Variants in RAD9B observed in about 807,000 individuals in gnomAD.
The protein encoded by RAD9B is RAD9 checkpoint clamp component B, also known as cell cycle checkpoint control protein RAD9B.
Under a neutral mutation model 48.3 loss-of-function variants are expected in RAD9B, and 41 were observed. The observed-to-expected ratio is 0.85, with a 90% CI of 0.66 to 1.10. The LOEUF (loss-of-function observed/expected upper bound fraction) is 1.10, where lower values mean the gene tolerates loss of function less well. Among genes scored for constraint, RAD9B ranks in the 50% least tolerant of loss-of-function variants. The probability of loss-of-function intolerance (pLI) is 0.00; values close to 1 mark genes in which losing one functional copy is unlikely to be tolerated. For missense variants in RAD9B, 444 were observed against 485.1 expected (o/e 0.92, Z 0.80); for synonymous variants, 160 against 157.9 (o/e 1.01, Z -0.10).
At chr12:110,520,650 G>GGTGT (rs2063756600) in intron 9 of RAD9B, among the ~76,000 whole-genome samples, 1 of 69,636 alleles carries the variant, frequency 1.4e-5, no homozygotes, top group Non-Finnish European at 2.9e-5. Flanking sequence ...TTTTTTTGTT[G>GGTGT]TTTTTTTTTT....
rs2063181626 is a variant in RAD9B, at chr12:110,503,948, T to C, written c.117+72T>C. 11 of 863,198 alleles carry C rather than the reference T, an allele frequency of 1.3e-5. No homozygotes were observed. The East Asian group carries it at 2.8e-4, about 22-fold the overall frequency. 53.5% of individuals were successfully genotyped at this position (863,198 alleles called of 1,614,324 possible). A position where few individuals can be genotyped will look rare whatever the true frequency, so the allele number is the denominator to read the frequency against. ...TTTAAAGATCCCAGTCCAGATTGAATGTTAACTAGGAAATCCAGAAATTGT... is the reference window on the plus strand; with the variant it reads ...TTTAAAGATCCCAGTCCAGATTGAACGTTAACTAGGAAATCCAGAAATTGT... On this transcript the variant is annotated intron_variant, in intron 2 of 10. Transcript: ENST00000409300.
Position 110,530,660 on chromosome 12 carries a change from A to G in RAD9B, c.*7A>G, listed in dbSNP as rs1052686608. ...CAGTTTCTCTATATTCTAATGCTTA[A>G]TGATGGCTGAGCTGGGCCCCAGCCC... On this transcript the variant is annotated 3_prime_UTR_variant, in exon 11 of 11. Coordinates refer to ENST00000409300, the MANE Select transcript of RAD9B (RefSeq NM_001286535.2). 1 of 1,613,704 alleles carries G rather than the reference A, an allele frequency of 6.2e-7. No homozygotes were observed. The highest frequency in any genetic ancestry group is 8.5e-7 in the Non-Finnish European group (1 of 1,179,696).
At chr12:110,512,560 C>T (rs1279883314) in intron 4 of RAD9B, among the ~76,000 whole-genome samples, 1 of 152,182 alleles carries the variant, frequency 6.6e-6, no homozygotes, top group Non-Finnish European at 1.5e-5. Flanking sequence ...TCTGGGAACT[C>T]TCCTGCCTGA....
At chr12:110,505,896 T>C (rs1297858111) in intron 3 of RAD9B, 124 bp downstream of exon 3, 2 of 783,016 alleles carry the variant, frequency 2.6e-6, no homozygotes. Context: ...TTATTATTAT[T>C]ATTTTTGAGA....
intron 10 of RAD9B, among the ~76,000 whole-genome samples, chr12:110,525,372 C>T (rs1305047745): frequency 6.6e-6 from 1 of 151,974 alleles, no homozygotes; most frequent in African/African-American, 2.4e-5. Context: ...GTGATCCGCC[C>T]TCCTTGGCTT....
At position 110,531,223 on chromosome 12, in the gene RAD9B, C is replaced by G. The variant is rs2064127603; in HGVS notation, c.*570C>G. ...CACTTGGCTTTTTTAGACGGAGTCT[C>G]ACTTTGTCACTCAGGCTCAAGTGCA... On this transcript the variant is annotated 3_prime_UTR_variant, in exon 11 of 11. Transcript: ENST00000409300. 9.4e-6 allele frequency: 8 copies of G among 855,392 alleles called. No individual in the cohort carries two copies. Among genetic ancestry groups the G allele is most frequent in the Non-Finnish European group, 1.1e-5 (8 of 698,684 alleles). The allele number at this position is 855,392 out of a possible 1,614,324, so 53.0% of individuals were successfully genotyped here.
chr12:110,508,005 T>C (rs187815343), intron 4 of RAD9B: 98 of 167,354 alleles, frequency 5.9e-4, no homozygotes, highest in African/African-American at 2.2e-3. Flanking sequence ...TCAGCATATA[T>C]TTATAGTCTT....
intron 5 of RAD9B, 68 bp from the exon 6 acceptor site, chr12:110,514,982 C>A: frequency 1.1e-6 from 1 of 910,668 alleles, no homozygotes; most frequent in Non-Finnish European, 1.6e-6. Context: ...ATTTGAGTCC[C>A]AGTTAATAAG....
intron 9 of RAD9B, among the ~76,000 whole-genome samples, chr12:110,521,475 G>T (rs2063783183): frequency 1.3e-5 from 2 of 151,538 alleles, no homozygotes; most frequent in South Asian, 4.2e-4. Context: ...TTTAAAACAA[G>T]ATTAGGATCA....
In RAD9B at chr12:110,533,245, T is replaced by C. The variant is rs1280876599; in HGVS notation, c.*2592T>C. Reference sequence around the variant, plus strand: ...ATTCAAACCAAAAGAAGCACACAGATTAGTATAAATACTATATTTATTAAA... The same window carrying C: ...ATTCAAACCAAAAGAAGCACACAGACTAGTATAAATACTATATTTATTAAA... On this transcript the variant is annotated 3_prime_UTR_variant, in exon 11 of 11. Transcript: ENST00000409300. The C allele has an allele frequency of 6.6e-6, 1 of 152,226 alleles. No homozygotes were observed. The highest frequency in any genetic ancestry group is 2.4e-5 in the African/African-American group (1 of 41,454). 9.4% of individuals were successfully genotyped at this position (152,226 alleles called of 1,614,324 possible).
chr12:110,520,009 G>A, intron 9 of RAD9B, 93 bp downstream of exon 9: 1 of 1,384,920 alleles, frequency 7.2e-7, no homozygotes, highest in Non-Finnish European at 9.9e-7. Flanking sequence ...GGAAACAATT[G>A]AGGAGTGAAA....
intron 9 of RAD9B, among the ~76,000 whole-genome samples, chr12:110,520,245 T>C (rs2063734365): frequency 1.3e-5 from 2 of 152,208 alleles, no homozygotes; most frequent in South Asian, 2.1e-4. Flanking sequence ...CTCACTCCCA[T>C]TGCCCAGGCT....
Position 110,522,259 on chromosome 12 carries a change from A to C in RAD9B, c.973A>C (p.Arg325=). 1.2e-6 allele frequency: 2 copies of C among 1,612,570 alleles called. No individual in the cohort carries two copies. Among genetic ancestry groups the C allele is most frequent in the Non-Finnish European group, 1.7e-6 (2 of 1,179,356 alleles). Residue 325 remains arginine (R), a synonymous_variant, in exon 10 of 11, where the codon AGG becomes CGG. Coordinates refer to ENST00000409300, the MANE Select transcript of RAD9B (RefSeq NM_001286535.2). ...ECISKKAAPR[R]LYPKETLTNI... Reference sequence around the variant, plus strand: ...TATTTCAAAAAAAGCAGCACCAAGAAGGCTTTATCCTAAGGAGACTCTCAC... The same window carrying C: ...TATTTCAAAAAAAGCAGCACCAAGACGGCTTTATCCTAAGGAGACTCTCAC...
At position 110,530,645 on chromosome 12, in the gene RAD9B, A is replaced by G. The variant is rs1593128596; in HGVS notation, c.1246A>G (p.Ile416Val). The G allele has an allele frequency of 6.2e-7, 1 of 1,613,832 alleles. No homozygotes were observed. Among genetic ancestry groups the G allele is most frequent in the Middle Eastern group, 1.7e-4 (1 of 6,060 alleles). ...GGACATGAATAATGGCAGTTTCTCT[A>G]TATTCTAATGCTTAATGATGGCTGA... ...EEDMNNGSFSIF is the reference protein window; with the variant it reads ...EEDMNNGSFSVF Residue 416 changes from isoleucine to valine, a missense_variant, in exon 11 of 11, where the codon ATA becomes GTA. Physicochemically the swap from Ile to Val is conservative, Grantham distance 29 (BLOSUM62 3). Coordinates refer to ENST00000409300, the MANE Select transcript of RAD9B (RefSeq NM_001286535.2).
At chr12:110,527,846 G>A (rs908690993) in intron 10 of RAD9B, among the ~76,000 whole-genome samples, 3 of 152,164 alleles carry the variant, frequency 2.0e-5, no homozygotes, top group African/African-American at 7.2e-5. Context: ...TGAAACTGGT[G>A]TTTGAGCTGA....
chr12:110,504,478 CAAAAAAAAA>C (rs765939893), intron 2 of RAD9B, among the ~76,000 whole-genome samples: 2 of 58,154 alleles, frequency 3.4e-5, no homozygotes, highest in Non-Finnish European at 7.2e-5. Context: ...GACTCCGTCC[CAAAAAAAAA>C]AAAAAAAAAA....
At chr12:110,518,067 T>C (rs767838455) in intron 6 of RAD9B, among the ~76,000 whole-genome samples, 3 of 151,838 alleles carry the variant, frequency 2.0e-5, no homozygotes, top group Non-Finnish European at 4.4e-5. Flanking sequence ...GGTGGGCGCC[T>C]GTAGTCCCAG....
At chr12:110,507,411 AATATAAT>A (rs2063314322) in intron 4 of RAD9B, among the ~76,000 whole-genome samples, 1 of 141,224 alleles carries the variant, frequency 7.1e-6, no homozygotes, top group East Asian at 2.0e-4. Context: ...ATATGTATTA[AATATAAT>A]ATATAATATA....
intron 10 of RAD9B, among the ~76,000 whole-genome samples, chr12:110,530,207 TA>T (rs2064090284): frequency 6.6e-6 from 1 of 152,044 alleles, no homozygotes. Flanking sequence ...CACACCCAGC[TA>T]ATTTTTTTTT....
Sources: allele counts gnomAD v4.1 joint callset (sites outside exome capture counted in the v4.1 genomes callset), GRCh38; gene constraint gnomAD v4.1.1; transcripts MANE v1.5; gene names NCBI Gene and HGNC (gene_info 2026-07-23, HGNC 2026-07-21).